ITPRID1: variants seen among roughly 807,000 people sequenced by gnomAD.
The protein encoded by ITPRID1 is protein ITPRID1.
In ITPRID1, 96 loss-of-function variants were observed where a neutral mutation model predicts 95.4. That is an observed-to-expected ratio of 1.01 (90% CI 0.85 to 1.19). The LOEUF (loss-of-function observed/expected upper bound fraction) is 1.19, where lower values mean the gene tolerates loss of function less well. Among genes scored for constraint, ITPRID1 ranks in the 50% most tolerant of loss-of-function variants. ITPRID1 has a pLI of 0.00. For synonymous variants in ITPRID1, 510 were observed against 453.6 expected (o/e 1.12, Z -1.58); for missense variants, 1,339 against 1,252.9 (o/e 1.07, Z -1.04).
chr7:31,642,017 G>GA (rs1364165098), intron 10 of ITPRID1, among the ~76,000 whole-genome samples, 159 bp from the exon 11 acceptor site: 5 of 152,086 alleles, frequency 3.3e-5, no homozygotes, highest in African/African-American at 9.7e-5. Flanking sequence ...TGACAATCGA[G>GA]AAAAAAATGT....
At chr7:31,533,408 CTT>C (rs1248905166) in intron 1 of ITPRID1, among the ~76,000 whole-genome samples, 4 of 152,080 alleles carry the variant, frequency 2.6e-5, no homozygotes, top group African/African-American at 9.7e-5. Context: ...TTGTTTGAAA[CTT>C]TTAAAGAAAC....
At chr7:31,587,475 C>G (rs897312621) in intron 10 of ITPRID1, among the ~76,000 whole-genome samples, 4 of 147,566 alleles carry the variant, frequency 2.7e-5, no homozygotes, top group African/African-American at 7.5e-5. Context: ...AACCACTGCT[C>G]AAGGAAATAA....
At chr7:31,565,363 C>T (rs2128141203) in intron 5 of ITPRID1, among the ~76,000 whole-genome samples, 1 of 152,314 alleles carries the variant, frequency 6.6e-6, no homozygotes, top group South Asian at 2.1e-4. Flanking sequence ...AAAATCTAAG[C>T]TCAGCAGCAG....
intron 12 of ITPRID1, among the ~76,000 whole-genome samples, chr7:31,649,228 A>G (rs1583744747): frequency 1.3e-5 from 2 of 152,362 alleles, no homozygotes; most frequent in African/African-American, 2.4e-5. Flanking sequence ...AAGTATTTCC[A>G]TTATGACAAT....
intron 10 of ITPRID1, among the ~76,000 whole-genome samples, chr7:31,618,116 G>A (rs887824768): frequency 3.3e-5 from 5 of 152,148 alleles, no homozygotes; most frequent in Non-Finnish European, 7.3e-5. Flanking sequence ...CCCTCTTGGT[G>A]CCCATCATTG....
intron 5 of ITPRID1, among the ~76,000 whole-genome samples, chr7:31,566,013 A>T (rs1784788638): frequency 6.6e-6 from 1 of 152,100 alleles, no homozygotes; most frequent in Non-Finnish European, 1.5e-5. Flanking sequence ...ACCATTAGGG[A>T]CTTTTTCTCT....
At chr7:31,558,456 T>G (rs894488021) in intron 5 of ITPRID1, among the ~76,000 whole-genome samples, 3 of 152,156 alleles carry the variant, frequency 2.0e-5, no homozygotes, top group Non-Finnish European at 4.4e-5. Flanking sequence ...GTTCAATTCT[T>G]TTGATGTGGT....
At chr7:31,519,620 C>CTCTCTCTCTCTATATATATATA in intron 1 of ITPRID1, among the ~76,000 whole-genome samples, 22 of 25,246 alleles carry the variant, frequency 8.7e-4, no homozygotes, top group Non-Finnish European at 1.4e-3. Flanking sequence ...CTCTCTCTCT[C>CTCTCTCTCTCTATATATATATA]TATATATATA....
intron 10 of ITPRID1, among the ~76,000 whole-genome samples, chr7:31,587,850 T>C (rs1022353524): frequency 6.6e-6 from 1 of 151,562 alleles, no homozygotes; most frequent in Non-Finnish European, 1.5e-5. Flanking sequence ...TCTACAACTA[T>C]CTGATCTTTG....
chr7:31,548,270 G>A (rs1378414291), intron 1 of ITPRID1, among the ~76,000 whole-genome samples: 1 of 152,046 alleles, frequency 6.6e-6, no homozygotes, highest in Non-Finnish European at 1.5e-5. Flanking sequence ...AAATCTTCCA[G>A]AAAGATGACA....
At chr7:31,639,544 T>TTTTTTTTTTTTTTTTTTG (rs1562644465) in intron 10 of ITPRID1, among the ~76,000 whole-genome samples, 3 of 135,188 alleles carry the variant, frequency 2.2e-5, no homozygotes, top group Non-Finnish European at 3.2e-5. Context: ...TTTTGTTTTT[T>TTTTTTTTTTTTTTTTTTG]TTTTTTTTTT....
At position 31,651,149 on chromosome 7, in the gene ITPRID1, T is replaced by G. The variant is rs1462082214; in HGVS notation, c.2591T>G (p.Val864Gly). 1 of 1,613,126 alleles carries G rather than the reference T, an allele frequency of 6.2e-7. No homozygotes were observed. The highest frequency in any genetic ancestry group is 8.5e-7 in the Non-Finnish European group (1 of 1,179,408). Reference protein sequence around the residue: ...TTVRELCSCTVHEMEAMKTIC... With the variant: ...TTVRELCSCTGHEMEAMKTIC... ...CTTTCTCATTGTTCTCAGTGCACAG[T>G]CCATGAGATGGAAGCCATGAAGACG... is the stretch of plus-strand genomic sequence containing the variant. Residue 864 changes from valine to glycine, a missense_variant, in exon 13 of 15, where the codon GTC (valine) becomes GGC (glycine). Coordinates refer to ENST00000615280, the MANE Select transcript of ITPRID1 (RefSeq NM_001257967.3).
intron 10 of ITPRID1, among the ~76,000 whole-genome samples, chr7:31,631,455 T>C (rs1179061351): frequency 2.0e-5 from 3 of 152,266 alleles, no homozygotes; most frequent in Non-Finnish European, 4.4e-5. Flanking sequence ...AGTCATTTTC[T>C]TACGTGGTTA....
rs927776979 is a variant in ITPRID1, at chr7:31,578,246, C to T, written c.982C>T (p.Pro328Ser). Residue 328 changes from proline to serine, a missense_variant, in exon 9 of 15, where the codon CCT becomes TCT. Coordinates refer to ENST00000615280, the MANE Select transcript of ITPRID1 (RefSeq NM_001257967.3). ...AGCCTGTGATGATTTGCTACCTTAT[C>T]CTCCTCATGGTCTTCTGAGCAAGCA... ...LQACDDLLPY[P>S]PHGLLSKQWP... 4 of 1,613,786 alleles carry T rather than the reference C, an allele frequency of 2.5e-6. No individual in the cohort carries two copies. The East Asian group carries it at 6.7e-5, about 27-fold the overall frequency.
At chr7:31,622,311 T>G (rs1220496863) in intron 10 of ITPRID1, among the ~76,000 whole-genome samples, 1 of 149,846 alleles carries the variant, frequency 6.7e-6, no homozygotes, top group Non-Finnish European at 1.5e-5. Context: ...CATTTTTTTT[T>G]CAGCACCACA....
intron 10 of ITPRID1, among the ~76,000 whole-genome samples, chr7:31,637,740 A>G (rs991707117): frequency 3.3e-5 from 5 of 152,100 alleles, no homozygotes; most frequent in African/African-American, 1.2e-4. Flanking sequence ...CTTTAGTTTG[A>G]TTAGATCCCA....
intron 10 of ITPRID1, among the ~76,000 whole-genome samples, chr7:31,623,035 C>A (rs1227727124): frequency 3.9e-5 from 6 of 152,078 alleles, no homozygotes; most frequent in Non-Finnish European, 8.8e-5. Context: ...ACACATACAC[C>A]CTCCCAAGAC....
chr7:31,627,001 T>A (rs977882005), intron 10 of ITPRID1, among the ~76,000 whole-genome samples: 1 of 152,262 alleles, frequency 6.6e-6, no homozygotes, highest in Non-Finnish European at 1.5e-5. Context: ...GCCTTATGAA[T>A]TATGTATGTC....
chr7:31,616,330 T>C (rs544740699), intron 10 of ITPRID1, among the ~76,000 whole-genome samples: 14 of 152,310 alleles, frequency 9.2e-5, no homozygotes, highest in Middle Eastern at 6.8e-3. Context: ...AGTGAATATA[T>C]GCATATTGGG....
Sources: gnomAD v4.1 joint callset for allele counts (sites outside exome capture counted in the v4.1 genomes callset) on GRCh38, gnomAD v4.1.1 for gene constraint, MANE v1.5 for transcripts, NCBI Gene and HGNC (gene_info 2026-07-23, HGNC 2026-07-21) for gene names.